The following RDX variants were observed in gnomAD, a reference collection of about 807,000 sequenced individuals.
RDX encodes radixin.
RDX carries 32 observed loss-of-function variants against 83.7 expected under a neutral mutation model. The observed-to-expected ratio is 0.38, with a 90% CI of 0.29 to 0.51. RDX has a LOEUF of 0.51. RDX is among the 20% of genes least tolerant of loss of function. RDX has a pLI of 0.87. For synonymous variants in RDX, 229 were observed against 222.7 expected, an observed-to-expected ratio of 1.03 and a Z score of -0.25; for missense variants, 600 against 689.9, an observed-to-expected ratio of 0.87 and a Z score of 1.46.
chr11:110,245,198 C>T (rs1859048368), intron 10 of RDX, among the ~76,000 whole-genome samples: 1 of 152,112 alleles, frequency 6.6e-6, no homozygotes, highest in South Asian at 2.1e-4. Flanking sequence ...GTGATCTGCC[C>T]GCCTCAGCCT....
chr11:110,267,952 T>TG (rs763275935), intron 3 of RDX, among the ~76,000 whole-genome samples: 21 of 150,658 alleles, frequency 1.4e-4, no homozygotes, highest in Non-Finnish European at 2.2e-4. Flanking sequence ...AGACCCTGTC[T>TG]GAAAAAAAAG....
At chr11:110,273,822 C>G (rs1860397076) in intron 2 of RDX, among the ~76,000 whole-genome samples, 1 of 152,134 alleles carries the variant, frequency 6.6e-6, no homozygotes, top group Non-Finnish European at 1.5e-5. Flanking sequence ...TTACTTTTCC[C>G]TTAACCAGTA....
chr11:110,207,923 C>T (rs1459261697), intron 14 of RDX, among the ~76,000 whole-genome samples: 1 of 151,510 alleles, frequency 6.6e-6, no homozygotes, highest in Non-Finnish European at 1.5e-5. Context: ...GTTGAAAACG[C>T]AATTTTCATT....
intron 3 of RDX, among the ~76,000 whole-genome samples, chr11:110,269,054 AGCAGTTCT>A (rs1191905613): frequency 4.6e-5 from 7 of 151,862 alleles, no homozygotes; most frequent in South Asian, 2.1e-4. Flanking sequence ...CCTGGGTTTC[AGCAGTTCT>A]CCCACCTCAG....
At chr11:110,260,613 T>C (rs532428130) in intron 5 of RDX, among the ~76,000 whole-genome samples, 8 of 152,270 alleles carry the variant, frequency 5.3e-5, no homozygotes, top group East Asian at 1.9e-4. Context: ...AGCCATCTTC[T>C]AGTATAGAAT....
At chr11:110,255,610 A>C (rs1052826948) in intron 7 of RDX, among the ~76,000 whole-genome samples, 1 of 152,188 alleles carries the variant, frequency 6.6e-6, no homozygotes, top group Non-Finnish European at 1.5e-5. Flanking sequence ...TGAACCTTAA[A>C]AGCAGTGTAT....
At chr11:110,186,292 A>T (rs1411927213) in intron 15 of RDX, among the ~76,000 whole-genome samples, 2 of 152,084 alleles carry the variant, frequency 1.3e-5, no homozygotes, top group Non-Finnish European at 2.9e-5. Flanking sequence ...GCCAAGAAGA[A>T]ATCCAGCCAA....
chr11:110,252,544 GAC>G (rs1859379460), intron 9 of RDX, among the ~76,000 whole-genome samples: 3 of 152,048 alleles, frequency 2.0e-5, no homozygotes, highest in African/African-American at 7.2e-5. Flanking sequence ...ACCTTTAAGA[GAC>G]AGTGAAATCT....
chr11:110,257,618 T>C (rs1859596197), intron 7 of RDX, 149 bp downstream of exon 7: 1 of 788,580 alleles, frequency 1.3e-6, no homozygotes, highest in African/African-American at 1.7e-5. Flanking sequence ...GTAAAATATC[T>C]ACAAGTCTAT....
At chr11:110,261,122 A>G (rs1859787303) in intron 5 of RDX, among the ~76,000 whole-genome samples, 1 of 152,200 alleles carries the variant, frequency 6.6e-6, no homozygotes, top group Admixed American at 6.5e-5. Context: ...CTATAGTCCA[A>G]GACTGTTTCT....
intron 14 of RDX, among the ~76,000 whole-genome samples, chr11:110,220,140 T>C (rs1319492700): frequency 6.6e-6 from 1 of 152,210 alleles, no homozygotes; most frequent in South Asian, 2.1e-4. Flanking sequence ...TGGGGAGTGA[T>C]ACCTTCTAAG....
chr11:110,294,252 G>A (rs1057474701), intron 1 of RDX, among the ~76,000 whole-genome samples: 13 of 152,244 alleles, frequency 8.5e-5, no homozygotes, highest in East Asian at 3.9e-4. Context: ...AAAATTAGCC[G>A]GGCATGGTGG....
At chr11:110,175,915 G>C (rs561797280) in intron 15 of RDX, among the ~76,000 whole-genome samples, 1 of 152,224 alleles carries the variant, frequency 6.6e-6, no homozygotes, top group East Asian at 1.9e-4. Context: ...AATTAGACAA[G>C]GAGGATTGGA....
chr11:110,182,911 A>G (rs983288875), intron 15 of RDX, among the ~76,000 whole-genome samples: 2 of 152,232 alleles, frequency 1.3e-5, no homozygotes, highest in African/African-American at 2.4e-5. Context: ...TACAGAGAGC[A>G]AATCATTCTT....
At chr11:110,234,151 T>C (rs571803804) in intron 12 of RDX, among the ~76,000 whole-genome samples, 1 of 152,336 alleles carries the variant, frequency 6.6e-6, no homozygotes, top group African/African-American at 2.4e-5. Context: ...TTTGATGCAC[T>C]GTAGTCAAAA....
In RDX at chr11:110,254,341, C is replaced by A. The variant is rs527971730; in HGVS notation, c.796-232G>T. Among the ~76,000 whole-genome samples the A allele has an allele frequency of 3.9e-5, 6 of 152,270 alleles. No individual in the cohort carries two copies. The East Asian group carries it at 1.2e-3, about 29-fold the overall frequency. ...TTGTAAAGAGGCTAATATTCTTATC[C>A]TTGCAATACATTAAATGTCATTTAT... On this transcript the variant is annotated intron_variant, in intron 8 of 13. Transcript: ENST00000645495.
intron 15 of RDX, chr11:110,185,204 G>C (rs1276960348): frequency 2.0e-5 from 3 of 152,210 alleles, no homozygotes; most frequent in Non-Finnish European, 4.4e-5. Flanking sequence ...GACTCATCTT[G>C]CTTTCTGCAT....
In RDX at chr11:110,286,817, G is replaced by A. The variant is rs1860999978; in HGVS notation, c.-64-7061C>T. ...CTGGCAGTCCAATCAACACAATAAT[G>A]GAATCTACTAAAGAAGTTCTTAATC... On this transcript the variant is annotated intron_variant, in intron 1 of 13. Transcript: ENST00000645495. 2.0e-5 allele frequency among the ~76,000 whole-genome samples: 3 copies of A among 152,064 alleles called. No homozygotes were observed. In the South Asian group the frequency reaches 6.2e-4, roughly 32 times the overall value.
At chr11:110,212,744 A>C (rs1422138277) in intron 14 of RDX, among the ~76,000 whole-genome samples, 3 of 133,244 alleles carry the variant, frequency 2.3e-5, no homozygotes, top group African/African-American at 9.0e-5. Flanking sequence ...CCACATGATT[A>C]TCTCAATAGA....
Sources: allele counts gnomAD v4.1 joint callset (sites outside exome capture counted in the v4.1 genomes callset), GRCh38; gene constraint gnomAD v4.1.1; transcripts MANE v1.5; gene names NCBI Gene and HGNC (gene_info 2026-07-23, HGNC 2026-07-21).